The following RP1 variants were observed in gnomAD, a reference collection of about 807,000 sequenced individuals.
RP1 encodes the protein RP1 axonemal microtubule associated, also known as oxygen-regulated protein 1.
A neutral mutation model predicts 14.8 loss-of-function variants in RP1; 16 were observed. The observed-to-expected ratio is 1.08, with a 90% CI of 0.73 to 1.65. The LOEUF is 1.65. RP1 is among the 40% of genes most tolerant of loss of function. The pLI, the probability that RP1 is intolerant of heterozygous loss-of-function variation, is 0.00. For synonymous variants in RP1, 876 were observed against 883.6 expected, an observed-to-expected ratio of 0.99 and a Z score of 0.15; for missense variants, 2,631 against 2,535.0, an observed-to-expected ratio of 1.04 and a Z score of -0.81.
At chr8:54,762,982 T>C (rs2129371081) in intron 22 of RP1, among the ~76,000 whole-genome samples, 1 of 152,322 alleles carries the variant, frequency 6.6e-6, no homozygotes, top group South Asian at 2.1e-4. Flanking sequence ...CCTACTCCAG[T>C]ATGGCCTCAT....
intron 15 of RP1, among the ~76,000 whole-genome samples, chr8:54,707,410 A>C (rs892715986): frequency 6.6e-6 from 1 of 152,210 alleles, no homozygotes; most frequent in African/African-American, 2.4e-5. Flanking sequence ...GGCCTAAGAC[A>C]CTGTGCCCAG....
chr8:54,562,766 C>A (rs192556017), intron 1 of RP1, among the ~76,000 whole-genome samples: 6 of 152,218 alleles, frequency 3.9e-5, no homozygotes, highest in Non-Finnish European at 8.8e-5. Context: ...ATTAATTGAT[C>A]AAAAATCATT....
intron 19 of RP1, among the ~76,000 whole-genome samples, chr8:54,740,797 A>C (rs568378987): frequency 6.3e-4 from 96 of 152,186 alleles, no homozygotes; most frequent in Non-Finnish European, 9.0e-4. Context: ...TCATCTCAGC[A>C]CTTTGGGAGG....
At chr8:54,804,473 G>T (rs1280030708) in intron 24 of RP1, among the ~76,000 whole-genome samples, 2 of 151,926 alleles carry the variant, frequency 1.3e-5, no homozygotes, top group African/African-American at 4.8e-5. Context: ...TGTAATGTGG[G>T]ATAAAGCACA....
intron 1 of RP1, among the ~76,000 whole-genome samples, chr8:54,571,266 C>T (rs556964459): frequency 1.5e-4 from 23 of 152,312 alleles, no homozygotes; most frequent in Middle Eastern, 3.4e-3. Context: ...GACTGATTTC[C>T]CCAGGACAGC....
At chr8:54,744,181 A>G (rs138634313) in intron 19 of RP1, among the ~76,000 whole-genome samples, 1 of 152,350 alleles carries the variant, frequency 6.6e-6, no homozygotes, top group Non-Finnish European at 1.5e-5. Flanking sequence ...GATTTAGGAA[A>G]AAGATATGAC....
chr8:54,804,542 A>C (rs1810800422), intron 24 of RP1, among the ~76,000 whole-genome samples: 1 of 148,822 alleles, frequency 6.7e-6, no homozygotes, highest in Non-Finnish European at 1.5e-5. Flanking sequence ...GATTTCAAAA[A>C]GGCTAAAAAA....
At position 54,627,559 on chromosome 8, in the gene RP1, A is replaced by G; in HGVS notation, c.3677A>G (p.Asn1226Ser). ...NIQSVPKCSE[N>S]ERTQGISSLD... Reference sequence around the variant, plus strand: ...CAGAGTGTTCCTAAGTGCAGTGAAAATGAAAGAACACAAGGAATCTCCTCT... The same window carrying G: ...CAGAGTGTTCCTAAGTGCAGTGAAAGTGAAAGAACACAAGGAATCTCCTCT... The change falls in exon 4 of 4, where the codon AAT becomes AGT. Residue 1226 changes from asparagine to serine, a missense_variant. Physicochemically the swap from Asn to Ser is conservative, Grantham distance 46. Coordinates refer to ENST00000220676, the MANE Select transcript of RP1 (RefSeq NM_006269.2). 6.2e-7 allele frequency: 1 copy of G among 1,614,184 alleles called. No homozygotes were observed. Among genetic ancestry groups the G allele is most frequent in the African/African-American group, 1.3e-5 (1 of 75,056 alleles).
At chr8:54,573,229 A>G (rs1283661656) in intron 1 of RP1, among the ~76,000 whole-genome samples, 4 of 152,330 alleles carry the variant, frequency 2.6e-5, no homozygotes, top group African/African-American at 9.6e-5. Flanking sequence ...ATGAGGCATA[A>G]CAGCTTGAGT....
intron 24 of RP1, among the ~76,000 whole-genome samples, chr8:54,802,954 A>G (rs1228327873): frequency 1.3e-5 from 2 of 152,272 alleles, no homozygotes; most frequent in African/African-American, 4.8e-5. Flanking sequence ...GAAGCAAGGT[A>G]GCTTACTAAG....
chr8:54,868,090 T>G (rs565858390), intron 28 of RP1, among the ~76,000 whole-genome samples: 26 of 152,324 alleles, frequency 1.7e-4, no homozygotes, highest in African/African-American at 6.0e-4. Context: ...ATTATTTTTC[T>G]AGAAGTGCCA....
intron 24 of RP1, among the ~76,000 whole-genome samples, chr8:54,811,813 C>T (rs1392894218): frequency 1.3e-5 from 2 of 152,166 alleles, no homozygotes; most frequent in Non-Finnish European, 2.9e-5. Flanking sequence ...TTTCATTGAA[C>T]TTAGGATTTG....
intron 1 of RP1, among the ~76,000 whole-genome samples, chr8:54,607,268 T>A (rs13276861): frequency 0.37 from 56,045 of 152,112 alleles, 10,864 homozygotes; most frequent in Middle Eastern, 0.53. Flanking sequence ...TAACAGTCAG[T>A]ACCCTCAGCT....
At chr8:54,709,814 AC>A (rs1808253818) in intron 15 of RP1, among the ~76,000 whole-genome samples, 1 of 152,218 alleles carries the variant, frequency 6.6e-6, no homozygotes. Flanking sequence ...TGCAAAAAAC[AC>A]TGGTAAGGGG....
At chr8:54,858,942 C>A (rs4737744) in intron 27 of RP1, among the ~76,000 whole-genome samples, 113,116 of 151,870 alleles carry the variant, frequency 0.74, 42,282 homozygotes, top group South Asian at 0.87. Context: ...ATCAGTGCAC[C>A]GCCATGGCAC....
At chr8:54,665,149 G>C (rs931342139) in intron 7 of RP1, among the ~76,000 whole-genome samples, 3 of 152,060 alleles carry the variant, frequency 2.0e-5, no homozygotes, top group African/African-American at 7.2e-5. Context: ...CTTTGTGACT[G>C]TTATTTTGAA....
chr8:54,837,561 T>C (rs1811690195), exon 25 of RP1: 2 of 1,231,314 alleles, frequency 1.6e-6, no homozygotes, highest in African/African-American at 1.6e-5. Flanking sequence ...TATAGCCACA[T>C]ATGAGCTATT....
At chr8:54,855,902 G>A (rs1334379698) in intron 26 of RP1, among the ~76,000 whole-genome samples, 11 of 147,342 alleles carry the variant, frequency 7.5e-5, no homozygotes, top group African/African-American at 2.5e-4. Flanking sequence ...GTGCATATTA[G>A]TATAAGTATT....
intron 1 of RP1, among the ~76,000 whole-genome samples, chr8:54,619,211 C>T (rs368521187): frequency 6.6e-6 from 1 of 152,144 alleles, no homozygotes. Context: ...GGGAAGACAT[C>T]TAATTTCTAG....
Sources: allele counts gnomAD v4.1 joint callset (sites outside exome capture counted in the v4.1 genomes callset), GRCh38; gene constraint gnomAD v4.1.1; transcripts MANE v1.5; gene names NCBI Gene and HGNC (gene_info 2026-07-23, HGNC 2026-07-21).